Variants in TMEM218 observed in about 807,000 individuals in gnomAD.
TMEM218 encodes the protein transmembrane protein 218.
A neutral mutation model predicts 10.0 loss-of-function variants in TMEM218; 8 were observed. That is an observed-to-expected ratio of 0.80 (90% confidence interval 0.47 to 1.44). TMEM218 has a LOEUF of 1.44. TMEM218 is among the 40% of genes most tolerant of loss of function. The pLI is 0.00. For missense variants in TMEM218, 110 were observed against 140.1 expected (o/e 0.79, Z 1.08); for synonymous variants, 66 against 63.5 (o/e 1.04, Z -0.18).
chr11:125,102,720 G>A lies in TMEM218; in HGVS notation c.-77+14C>T. On this transcript the variant is annotated intron_variant, in intron 2 of 4. Transcript: ENST00000682305. ...AGCTCTCAGGTTAAATCCATGGTGT[G>A]AGCTGTGACTCACCAGGCAATGGAT... is the stretch of plus-strand genomic sequence containing the variant. 3 of 1,289,268 alleles carry A rather than the reference G, an allele frequency of 2.3e-6. No homozygotes were observed. The highest frequency in any genetic ancestry group is 3.0e-6 in the Non-Finnish European group (3 of 988,932). 79.9% of individuals were successfully genotyped at this position (1,289,268 alleles called of 1,614,324 possible). A position where few individuals can be genotyped will look rare whatever the true frequency, so the allele number is the denominator to read the frequency against.
At chr11:125,111,169 C>T (rs1953902562) in intron 1 of TMEM218, among the ~76,000 whole-genome samples, 2 of 152,132 alleles carry the variant, frequency 1.3e-5, no homozygotes, top group Admixed American at 6.5e-5. Context: ...TGGGAACACC[C>T]CACTTGAACT....
chr11:125,102,308 G>T lies in TMEM218; in HGVS notation c.-67C>A. 2 of 1,577,248 alleles carry T rather than the reference G, an allele frequency of 1.3e-6. No individual in the cohort carries two copies. Among genetic ancestry groups the T allele is most frequent in the Non-Finnish European group, 1.7e-6 (2 of 1,163,432 alleles). On this transcript the variant is annotated 5_prime_UTR_variant, in exon 3 of 5. The change creates a new upstream start codon in the 5' untranslated region. Transcript: ENST00000682305. ...ACGATCGAGTGTCCTCTGTGCTCCA[G>T]TGCAACACACTCCCGTGAAAGCATT...
At chr11:125,098,437 A>T (rs2276087) in intron 4 of TMEM218, among the ~76,000 whole-genome samples, 80,000 of 151,988 alleles carry the variant, frequency 0.53, 21,888 homozygotes, top group East Asian at 0.69. Flanking sequence ...TTGTCCACTG[A>T]CCCCTTCCAG....
chr11:125,101,682 G>A (rs1489202091), intron 3 of TMEM218: 4 of 572,168 alleles, frequency 7.0e-6, no homozygotes, highest in Non-Finnish European at 1.2e-5. Context: ...TGTCTTGCCA[G>A]AGTGCAACTC....
Position 125,102,820 on chromosome 11 carries a change from A to G in TMEM218, c.-152-11T>C. The G allele has an allele frequency of 1.4e-6, 1 of 731,140 alleles. No homozygotes were observed. Among genetic ancestry groups the G allele is most frequent in the Non-Finnish European group, 1.9e-6 (1 of 512,878 alleles). 45.3% of individuals were successfully genotyped at this position (731,140 alleles called of 1,614,324 possible). ...TGAAAACTCCCAGTCCTTAAAGAAG[A>G]GGAACAGCCATCACTATTTTTGAAC... On this transcript the variant is annotated splice_polypyrimidine_tract_variant and intron_variant, in intron 1 of 4. Coordinates refer to ENST00000682305, the MANE Select transcript of TMEM218 (RefSeq NM_001258244.2).
Position 125,102,262 on chromosome 11 carries a change from G to GC in TMEM218, c.-22dup, listed in dbSNP as rs769275992. ...GCCATCCCGCGGGGAGGCAGCGGCG[G>GC]CCCCCCGCCCTGCGCGCCGCACGAT... On this transcript the variant is annotated 5_prime_UTR_variant, in exon 3 of 5. Transcript: ENST00000682305. 3.1e-6 allele frequency: 5 copies of GC among 1,608,908 alleles called. No homozygotes were observed. The highest frequency in any genetic ancestry group is 2.5e-6 in the Non-Finnish European group (3 of 1,178,150).
rs904856674 is a variant in TMEM218 at position 125,095,252 on chromosome 11, C to A, written c.*2354G>T. Reference sequence around the variant, plus strand: ...GGGGATCACCAGTCTGCCACAGGATCCCCTCTGGGTAGGGAACAGTAGAGG... The same window carrying A: ...GGGGATCACCAGTCTGCCACAGGATACCCTCTGGGTAGGGAACAGTAGAGG... On this transcript the variant is annotated 3_prime_UTR_variant, in exon 5 of 5. Coordinates refer to ENST00000682305, the MANE Select transcript of TMEM218 (RefSeq NM_001258244.2). 6.6e-6 allele frequency among the ~76,000 whole-genome samples: 1 copy of A among 152,202 alleles called. No homozygotes were observed. The highest frequency in any genetic ancestry group is 1.9e-4 in the East Asian group (1 of 5,192).
At chr11:125,107,806 T>TATATAC (rs1320654540) in intron 1 of TMEM218, among the ~76,000 whole-genome samples, 2 of 149,998 alleles carry the variant, frequency 1.3e-5, no homozygotes, top group African/African-American at 2.5e-5. Context: ...TGTGTATATA[T>TATATAC]ATATATATAT....
At chr11:125,100,437 A>G (rs1193795927) in intron 4 of TMEM218, among the ~76,000 whole-genome samples, 1 of 152,242 alleles carries the variant, frequency 6.6e-6, no homozygotes, top group Non-Finnish European at 1.5e-5. Flanking sequence ...TTGGCACAGG[A>G]CCTGGCACAC....
At chr11:125,107,142 G>A (rs1952368878) in intron 1 of TMEM218, among the ~76,000 whole-genome samples, 1 of 152,146 alleles carries the variant, frequency 6.6e-6, no homozygotes, top group Non-Finnish European at 1.5e-5. Context: ...TTCAAAACAG[G>A]TCAAACTAAT....
At chr11:125,102,433 C>T in intron 2 of TMEM218, 116 bp from the exon 3 acceptor site, 1 of 1,495,720 alleles carries the variant, frequency 6.7e-7, no homozygotes, top group East Asian at 2.5e-5. Flanking sequence ...TCAGAAATGT[C>T]CAGTCCCAGA....
chr11:125,100,194 T>G (rs1950473114), intron 4 of TMEM218, among the ~76,000 whole-genome samples: 1 of 152,246 alleles, frequency 6.6e-6, no homozygotes, highest in African/African-American at 2.4e-5. Flanking sequence ...TGCTAACCCA[T>G]GAGCTCTCTG....
intron 1 of TMEM218, chr11:125,104,684 A>G (rs953100019): frequency 6.6e-6 from 1 of 151,978 alleles, no homozygotes; most frequent in African/African-American, 2.4e-5. Context: ...TGGGAGGAAT[A>G]AATGACACAG....
In TMEM218 at chr11:125,102,292, T is replaced by C. The variant is rs145598630; in HGVS notation, c.-51A>G. The C allele has an allele frequency of 2.3e-5, 37 of 1,590,460 alleles. No individual in the cohort carries two copies. The East Asian group carries it at 6.3e-4, about 27-fold the overall frequency. ...CCGCCCTGCGCGCCGCACGATCGAG[T>C]GTCCTCTGTGCTCCAGTGCAACACA... On this transcript the variant is annotated 5_prime_UTR_variant, in exon 3 of 5. Transcript: ENST00000682305.
chr11:125,102,477 A>G (rs1591389810), intron 2 of TMEM218, 160 bp from the exon 3 acceptor site: 4 of 1,472,724 alleles, frequency 2.7e-6, no homozygotes, highest in East Asian at 5.1e-5. Flanking sequence ...TTAGAACCCA[A>G]AGCCTTTCTC....
Position 125,102,806 on chromosome 11 carries a change from A to G in TMEM218, c.-149T>C, listed in dbSNP as rs1951120312. ...CTTATTCAAGAGGATGAAAACTCCC[A>G]GTCCTTAAAGAAGAGGAACAGCCAT... On this transcript the variant is annotated 5_prime_UTR_variant, in exon 2 of 5. Transcript: ENST00000682305. The G allele has an allele frequency of 1.6e-5, 14 of 896,068 alleles. No homozygotes were observed. In the South Asian group the frequency reaches 2.1e-4, roughly 14 times the overall value. 55.5% of individuals were successfully genotyped at this position (896,068 alleles called of 1,614,324 possible).
chr11:125,107,615 G>A (rs976701248), intron 1 of TMEM218, among the ~76,000 whole-genome samples: 1 of 152,004 alleles, frequency 6.6e-6, no homozygotes, highest in Non-Finnish European at 1.5e-5. Flanking sequence ...ACAGATAACA[G>A]AAAAGGGTTT....
At chr11:125,101,357 T>C in intron 3 of TMEM218, 54 bp from the exon 4 acceptor site, 1 of 1,563,228 alleles carries the variant, frequency 6.4e-7, no homozygotes, top group South Asian at 1.2e-5. Context: ...TCTTCTTTGA[T>C]CAGTTAGGTC....
At chr11:125,098,623 A>G (rs1363442125) in intron 4 of TMEM218, among the ~76,000 whole-genome samples, 1 of 152,260 alleles carries the variant, frequency 6.6e-6, no homozygotes, top group Admixed American at 6.5e-5. Flanking sequence ...ATTGTGGCAG[A>G]CAGAATAATG....
Sources: allele counts gnomAD v4.1 joint callset (sites outside exome capture counted in the v4.1 genomes callset), GRCh38; gene constraint gnomAD v4.1.1; transcripts MANE v1.5; gene names NCBI Gene and HGNC (gene_info 2026-07-23, HGNC 2026-07-21).